The following CABP7 variants were observed in gnomAD, a reference collection of about 807,000 sequenced individuals.
The protein encoded by CABP7 is calcium binding protein 7, also known as calcium-binding protein 7.
CABP7 carries 13 observed loss-of-function variants against 23.1 expected under a neutral mutation model. The ratio of observed to expected loss-of-function variants is 0.56; its 90% CI spans 0.37 to 0.90. CABP7 has a LOEUF of 0.90. Ranked by LOEUF, CABP7 falls within the 40% of genes least tolerant of loss-of-function variation. CABP7 has a pLI of 0.01. For synonymous variants in CABP7, 123 were observed against 115.3 expected (o/e 1.07, Z -0.43); for missense variants, 248 against 295.6 (o/e 0.84, Z 1.18).
At chr22:29,725,250 T>C (rs553695147) in intron 1 of CABP7, among the ~76,000 whole-genome samples, 200 of 152,134 alleles carry the variant, frequency 1.3e-3, no homozygotes, top group Non-Finnish European at 4.1e-4. Flanking sequence ...TCAAGCAGCC[T>C]CCTCAGCCTC....
At chr22:29,722,561 A>G (rs1169442645) in intron 1 of CABP7, among the ~76,000 whole-genome samples, 1 of 152,266 alleles carries the variant, frequency 6.6e-6, no homozygotes, top group African/African-American at 2.4e-5. Context: ...GGGCAGCTAC[A>G]GATGAAGGCA....
Position 29,730,976 on chromosome 22 carries a change from A to G in CABP7, c.*1407A>G. On this transcript the variant is annotated 3_prime_UTR_variant, in exon 5 of 5. Coordinates refer to ENST00000216144, the MANE Select transcript of CABP7 (RefSeq NM_182527.3). Reference sequence around the variant, plus strand: ...ACCACTGTGGTGACAGACTTTCTTTATAAACATTTGGAAGTTTTCTCCCCC... The same window carrying G: ...ACCACTGTGGTGACAGACTTTCTTTGTAAACATTTGGAAGTTTTCTCCCCC... The G allele has an allele frequency of 2.8e-6, 1 of 358,936 alleles. No homozygotes were observed. Among genetic ancestry groups the G allele is most frequent in the Non-Finnish European group, 4.9e-6 (1 of 202,724 alleles). The allele number at this position is 358,936 out of a possible 1,614,324, so 22.2% of individuals were successfully genotyped here. A position where few individuals can be genotyped will look rare whatever the true frequency, so the allele number is the denominator to read the frequency against.
Position 29,731,643 on chromosome 22 carries a change from C to G in CABP7, c.*2074C>G, listed in dbSNP as rs2067846350. The G allele has an allele frequency of 2.7e-6, 1 of 370,630 alleles. No homozygotes were observed. The highest frequency in any genetic ancestry group is 2.2e-5 in the African/African-American group (1 of 46,036). 23.0% of individuals were successfully genotyped at this position (370,630 alleles called of 1,614,324 possible). On this transcript the variant is annotated 3_prime_UTR_variant, in exon 5 of 5. Coordinates refer to ENST00000216144, the MANE Select transcript of CABP7 (RefSeq NM_182527.3). ...GGACTGATTCAATACATATGCACGT[C>G]CACAGCAGAGAATGCCATGCGGCCT...
At position 29,720,314 on chromosome 22, in the gene CABP7, G is replaced by T. The variant is rs936993510; in HGVS notation, c.-111G>T. The T allele has an allele frequency of 6.9e-5, 22 of 317,416 alleles. No individual in the cohort carries two copies. The highest frequency in any genetic ancestry group is 5.0e-4 in the African/African-American group (22 of 43,744). 19.7% of individuals were successfully genotyped at this position (317,416 alleles called of 1,614,324 possible). Reference sequence around the variant, plus strand: ...CCCCAGCCTCGCCGCTGCCGCCGCCGCCCTCCGCAGCCGCGCGCCCCGCCC... The same window carrying T: ...CCCCAGCCTCGCCGCTGCCGCCGCCTCCCTCCGCAGCCGCGCGCCCCGCCC... On this transcript the variant is annotated 5_prime_UTR_variant, in exon 1 of 5. Coordinates refer to ENST00000216144, the MANE Select transcript of CABP7 (RefSeq NM_182527.3). This position sits in a 1 kb window ranked among gnomAD's most constrained non-coding sequence, Gnocchi z 5.2.
At chr22:29,722,036 A>G (rs914780591) in intron 1 of CABP7, among the ~76,000 whole-genome samples, 13 of 151,882 alleles carry the variant, frequency 8.6e-5, no homozygotes, top group African/African-American at 2.9e-4. Flanking sequence ...GGCCACCTCA[A>G]ACCTCCTGCA....
rs768752530 is a variant in CABP7, at chr22:29,729,120, C to T, written c.432C>T (p.His144=). 62 of 1,611,512 alleles carry T rather than the reference C, an allele frequency of 3.8e-5. No individual in the cohort carries two copies. Among genetic ancestry groups the T allele is most frequent in the Non-Finnish European group, 4.7e-5 (56 of 1,179,986 alleles). Residue 144 remains histidine (H), a synonymous_variant, in exon 4 of 5, where the codon CAC becomes CAT. Coordinates refer to ENST00000216144, the MANE Select transcript of CABP7 (RefSeq NM_182527.3). ...TGCTCTACGACACCTTCTGCGAGCA[C>T]CTGTCCATGAAGGACATAGAGAACA... is the stretch of plus-strand genomic sequence containing the variant. ...KRLLYDTFCE[H]LSMKDIENII...
At chr22:29,723,136 CG>C (rs2067773214) in intron 1 of CABP7, among the ~76,000 whole-genome samples, 1 of 152,106 alleles carries the variant, frequency 6.6e-6, no homozygotes, top group Non-Finnish European at 1.5e-5. Flanking sequence ...GGAGGCCCTG[CG>C]GGGGTAAGAG....
Position 29,720,451 on chromosome 22 carries a change from G to A in CABP7, c.27G>A (p.Ala9=). The part of the protein sequence containing the change: MPFHPVTA[A]LMYRGIYTVP... ...TGCCGTTCCACCCGGTGACGGCGGCGTTGATGTACCGGGGCATCTACACCG... is the reference window on the plus strand; with the variant it reads ...TGCCGTTCCACCCGGTGACGGCGGCATTGATGTACCGGGGCATCTACACCG... Residue 9 remains alanine (A), a synonymous_variant, in exon 1 of 5, where the codon GCG becomes GCA. Coordinates refer to ENST00000216144, the MANE Select transcript of CABP7 (RefSeq NM_182527.3). The surrounding 1 kb of genome is among the most constrained non-coding windows in gnomAD (Gnocchi z 5.2). The A allele has an allele frequency of 1.3e-6, 2 of 1,554,378 alleles. No homozygotes were observed. The highest frequency in any genetic ancestry group is 1.2e-5 in the South Asian group (1 of 85,870).
At chr22:29,725,922 G>GT (rs1212892576) in intron 1 of CABP7, among the ~76,000 whole-genome samples, 1 of 152,164 alleles carries the variant, frequency 6.6e-6, no homozygotes, top group East Asian at 1.9e-4. Flanking sequence ...AGGCTCTAGG[G>GT]ACCGGAATCC....
At chr22:29,721,304 C>T (rs1407913624) in intron 1 of CABP7, among the ~76,000 whole-genome samples, 1 of 152,160 alleles carries the variant, frequency 6.6e-6, no homozygotes, top group Non-Finnish European at 1.5e-5. Context: ...AGGGCAGGGG[C>T]AGGGGTCCGG....
chr22:29,727,142 G>T lies in CABP7; in HGVS notation c.110-520G>T, dbSNP rs867726025. ...CCCTGAACCAAAAGAGGTCTGTGCC[G>T]CCTGTCAGCCCATTAGTCTGGAGCA... On this transcript the variant is annotated intron_variant, in intron 1 of 4. Transcript: ENST00000216144. The surrounding 1 kb of genome is among the most constrained non-coding windows in gnomAD (Gnocchi z 4.2). 7.2e-5 allele frequency among the ~76,000 whole-genome samples: 11 copies of T among 152,290 alleles called. No individual in the cohort carries two copies. Among genetic ancestry groups the T allele is most frequent in the Non-Finnish European group, 1.0e-4 (7 of 68,030 alleles).
At position 29,728,670 on chromosome 22, in the gene CABP7, G is replaced by A; in HGVS notation, c.294G>A (p.Leu98=). ...ACTTTGAGGAGTTTGTGACCCTTCT[G>A]GGACCCAAACTCTCCACCTCAGGGA... ...QVDFEEFVTL[L]GPKLSTSGIP... The change falls in exon 3 of 5, where the codon CTG becomes CTA. Residue 98 remains leucine, a synonymous_variant. Coordinates refer to ENST00000216144, the MANE Select transcript of CABP7 (RefSeq NM_182527.3). 1 of 1,613,678 alleles carries A rather than the reference G, an allele frequency of 6.2e-7. No homozygotes were observed.
chr22:29,720,666 T>G lies in CABP7; in HGVS notation c.109+133T>G. On this transcript the variant is annotated intron_variant, in intron 1 of 4. Coordinates refer to ENST00000216144, the MANE Select transcript of CABP7 (RefSeq NM_182527.3). This position sits in a 1 kb window ranked among gnomAD's most constrained non-coding sequence, Gnocchi z 5.2. ...CCGGTTGCCAGGTGGGCGCCCCAGC[T>G]AGCAGCTGTGCCCCGCGGCAAGACC... is the stretch of plus-strand genomic sequence containing the variant. 2.1e-6 allele frequency: 1 copy of G among 474,244 alleles called. No individual in the cohort carries two copies. 29.4% of individuals were successfully genotyped at this position (474,244 alleles called of 1,614,324 possible).
At chr22:29,726,238 C>T (rs1188875043) in intron 1 of CABP7, among the ~76,000 whole-genome samples, 2 of 152,198 alleles carry the variant, frequency 1.3e-5, no homozygotes, top group Non-Finnish European at 2.9e-5. Context: ...GTCTGACCCT[C>T]AGGCCTTGGG....
In CABP7 at chr22:29,727,939, G is replaced by A. The variant is rs565951762; in HGVS notation, c.253+134G>A. The A allele has an allele frequency of 1.8e-4, 186 of 1,059,120 alleles. No homozygotes were observed. The African/African-American group carries it at 2.6e-3, about 15-fold the overall frequency. The allele number at this position is 1,059,120 out of a possible 1,614,324, so 65.6% of individuals were successfully genotyped here. A position where few individuals can be genotyped will look rare whatever the true frequency, so the allele number is the denominator to read the frequency against. On this transcript the variant is annotated intron_variant, in intron 2 of 4. Coordinates refer to ENST00000216144, the MANE Select transcript of CABP7 (RefSeq NM_182527.3). The surrounding 1 kb of genome is among the most constrained non-coding windows in gnomAD (Gnocchi z 4.2). The stretch of plus-strand genomic sequence containing the variant: ...CCCCTGACTCCCACCCTCAAAGTCC[G>A]TGGCAGGTTGCAGCCCGGTCTGGCC...
chr22:29,729,113 G>A lies in CABP7; in HGVS notation c.425G>A (p.Cys142Tyr), dbSNP rs780219844. Residue 142 changes from cysteine to tyrosine, a missense_variant, in exon 4 of 5, where the codon TGC (cysteine) becomes TAC (tyrosine). Transcript: ENST00000216144. ...AAGCGGCTGCTCTACGACACCTTCTGCGAGCACCTGTCCATGAAGGACATA... is the reference window on the plus strand; with the variant it reads ...AAGCGGCTGCTCTACGACACCTTCTACGAGCACCTGTCCATGAAGGACATA... ...ELKRLLYDTF[C>Y]EHLSMKDIEN... The A allele has an allele frequency of 6.2e-7, 1 of 1,611,582 alleles. No homozygotes were observed. The highest frequency in any genetic ancestry group is 1.7e-5 in the Admixed American group (1 of 60,028).
In CABP7 at chr22:29,729,165, G is replaced by C. The variant is rs1358698231; in HGVS notation, c.477G>C (p.Glu159Asp). 1 of 1,610,984 alleles carries C rather than the reference G, an allele frequency of 6.2e-7. No homozygotes were observed. The highest frequency in any genetic ancestry group is 8.5e-7 in the Non-Finnish European group (1 of 1,179,766). Residue 159 changes from glutamate (E) to aspartate (D), a missense_variant, in exon 4 of 5, where the codon GAG becomes GAC. Glu to Asp is a conservative substitution (Grantham distance 45). Transcript: ENST00000216144. ...DIENIIMTEEESHLGTAEECP... is the reference protein window; with the variant it reads ...DIENIIMTEEDSHLGTAEECP... Reference sequence around the variant, plus strand: ...AGAACATCATCATGACGGAGGAGGAGAGCCACCTGGGCACAGCCGAGGAGT... The same window carrying C: ...AGAACATCATCATGACGGAGGAGGACAGCCACCTGGGCACAGCCGAGGAGT...
chr22:29,728,980 G>T, intron 3 of CABP7, 75 bp from the exon 4 acceptor site: 1 of 1,550,624 alleles, frequency 6.4e-7, no homozygotes, highest in South Asian at 1.1e-5. Flanking sequence ...GCCTGTCACC[G>T]GGTCTGTATG....
At chr22:29,728,085 G>A (rs576154870) in intron 2 of CABP7, among the ~76,000 whole-genome samples, 1 of 152,324 alleles carries the variant, frequency 6.6e-6, no homozygotes, top group Non-Finnish European at 1.5e-5. Context: ...AGAAGTAAAA[G>A]GATGCAATAA....
Sources: gnomAD v4.1 joint callset for allele counts (sites outside exome capture counted in the v4.1 genomes callset) on GRCh38, gnomAD v4.1.1 for gene constraint, Gnocchi (gnomAD v3.1) non-coding constraint, MANE v1.5 for transcripts, NCBI Gene and HGNC (gene_info 2026-07-23, HGNC 2026-07-21) for gene names.